Variants in RNASEH2B observed in about 807,000 individuals in gnomAD.
The protein encoded by RNASEH2B is ribonuclease H2 subunit B, also known as Aicardi-Goutieres syndrome 2 protein.
In RNASEH2B, 36 loss-of-function variants were observed where a neutral mutation model predicts 45.0. That is an observed-to-expected ratio of 0.80 (90% confidence interval 0.61 to 1.06). The LOEUF is 1.06. Among genes scored for constraint, RNASEH2B ranks in the 50% least tolerant of loss-of-function variants. The pLI, the probability that RNASEH2B is intolerant of heterozygous loss-of-function variation, is 0.00. For missense variants in RNASEH2B, 361 were observed against 360.3 expected (o/e 1.00, Z -0.02); for synonymous variants, 119 against 125.7 (o/e 0.95, Z 0.35).
chr13:50,955,422 G>A (rs1162668845), intron 10 of RNASEH2B: 1 of 152,158 alleles, frequency 6.6e-6, no homozygotes, highest in Admixed American at 6.6e-5. Flanking sequence ...CCCTTCTGTG[G>A]GAGTGCCACT....
intron 9 of RNASEH2B, among the ~76,000 whole-genome samples, chr13:50,968,103 G>C (rs1201597803): frequency 6.6e-6 from 1 of 152,164 alleles, no homozygotes. Context: ...AGTTCTCACA[G>C]CAATCACTTA....
At chr13:50,957,089 CT>C (rs879728194), downstream of RNASEH2B, among the ~76,000 whole-genome samples, 166 of 139,558 alleles carry the variant, frequency 1.2e-3, no homozygotes, top group East Asian at 3.7e-3. Flanking sequence ...ACTTTGTAAC[CT>C]TTTTTTTTTT....
At chr13:50,949,346 TG>T in intron 8 of RNASEH2B, 116 bp from the exon 9 acceptor site, 1 of 825,258 alleles carries the variant, frequency 1.2e-6, no homozygotes, top group Non-Finnish European at 2.1e-6. Flanking sequence ...GGAAGATATA[TG>T]GAGGTAAAGC....
intron 9 of RNASEH2B, chr13:50,952,801 G>A (rs1361088487): frequency 6.6e-6 from 1 of 152,192 alleles, no homozygotes; most frequent in African/African-American, 2.4e-5. Flanking sequence ...TGATTCATTT[G>A]CTAGAGGTTG....
intron 1 of RNASEH2B, among the ~76,000 whole-genome samples, chr13:50,919,903 G>T (rs1951494667): frequency 6.6e-6 from 1 of 152,198 alleles, no homozygotes; most frequent in African/African-American, 2.4e-5. Flanking sequence ...TGTTATTTTT[G>T]ATTTTACATT....
intron 9 of RNASEH2B, among the ~76,000 whole-genome samples, chr13:50,963,328 C>T (rs1593485817): frequency 6.6e-6 from 1 of 151,956 alleles, no homozygotes; most frequent in East Asian, 1.9e-4. Flanking sequence ...CCAGACCTGG[C>T]TAATTTTGTA....
At chr13:50,921,033 A>G (rs1306064192) in intron 1 of RNASEH2B, 1 of 152,064 alleles carries the variant, frequency 6.6e-6, no homozygotes. Context: ...ATTATTCCCT[A>G]CGTGTTCTCG....
At chr13:50,914,814 G>A (rs115977150) in intron 1 of RNASEH2B, among the ~76,000 whole-genome samples, 1,855 of 152,210 alleles carry the variant, frequency 0.012, 33 homozygotes, top group African/African-American at 0.043. Context: ...ATTCATAAAA[G>A]GAAAGCAAGC....
chr13:50,930,963 C>A (rs1951674419), intron 4 of RNASEH2B: 9 of 578,922 alleles, frequency 1.6e-5, no homozygotes, highest in South Asian at 1.3e-4. Flanking sequence ...ACTCTTGATC[C>A]AGTCTGACCC....
rs199744138 is a variant in RNASEH2B, at chr13:50,929,424, T to TTGTG, written c.137-40_137-37dup. On this transcript the variant is annotated intron_variant, in intron 2 of 10. Transcript: ENST00000336617. ...ATAGTCTTTTGGGGTGTGTGTGTGT[T>TTGTG]TGTGTGTGTGTGTGAAAACTTACAA... The TTGTG allele has an allele frequency of 2.9e-3, 3,078 of 1,069,000 alleles. 58 individuals carry two copies. The African/African-American group carries it at 0.04, about 14-fold the overall frequency. The allele number at this position is 1,069,000 out of a possible 1,614,324, so 66.2% of individuals were successfully genotyped here.
rs945220894 is a variant in RNASEH2B at position 50,949,464 on chromosome 13, C to T, written c.700C>T (p.Leu234Phe). ...LSDDLSKYLK[L>F]PEPSASLPNP... ...GATTGTTATTTTTAACTTTCTTAGG[C>T]TTCCAGAACCTTCAGCCTCATTGCC... The change falls in exon 9 of 11, where the codon CTT (leucine) becomes TTT (phenylalanine). Residue 234 changes from leucine (L) to phenylalanine (F), a missense_variant and splice_region_variant. By Grantham distance (22) the Leu-to-Phe change is conservative. Transcript: ENST00000336617. 1 of 1,613,276 alleles carries T rather than the reference C, an allele frequency of 6.2e-7. No individual in the cohort carries two copies.
At chr13:50,915,216 T>C (rs1167250256) in intron 1 of RNASEH2B, 4 of 391,604 alleles carry the variant, frequency 1.0e-5, no homozygotes, top group Non-Finnish European at 1.8e-5. Flanking sequence ...GCAATGTCTT[T>C]GCTTATTCTG....
intron 5 of RNASEH2B, chr13:50,936,734 G>A (rs140073748): frequency 7.7e-4 from 118 of 152,332 alleles, no homozygotes; most frequent in African/African-American, 2.8e-3. Flanking sequence ...GCTATTAGCT[G>A]TATAAGAACA....
rs758911416 is a variant in RNASEH2B at position 50,929,530 on chromosome 13, AG to A, written c.193del (p.Val65PhefsTer11). On this transcript the variant is annotated frameshift_variant, in exon 3 of 11. Coordinates refer to ENST00000336617, the MANE Select transcript of RNASEH2B (RefSeq NM_024570.4). LOFTEE classifies it high-confidence loss of function. Reference sequence around the variant, plus strand: ...GTCTACAGCAGCTGTTTGAAGTAAAAGTTTTCAAGGAAAAACACCATTCTTG... The same window carrying A: ...GTCTACAGCAGCTGTTTGAAGTAAAATTTTCAAGGAAAAACACCATTCTTG... ...MCLQQLFEVK[V>X]FKEKHHSWFI... is the part of the protein sequence containing the mutation. 3.1e-6 allele frequency: 5 copies of A among 1,613,858 alleles called. No homozygotes were observed. In the South Asian group the frequency reaches 5.5e-5, roughly 18 times the overall value.
chr13:50,966,574 CT>C (rs1952166717), intron 9 of RNASEH2B, among the ~76,000 whole-genome samples: 1 of 151,502 alleles, frequency 6.6e-6, no homozygotes, highest in Non-Finnish European at 1.5e-5. Context: ...TCTAGTTTAT[CT>C]TCAATTTAAA....
At chr13:50,923,500 G>T (rs1171757918) in intron 1 of RNASEH2B, among the ~76,000 whole-genome samples, 1 of 152,144 alleles carries the variant, frequency 6.6e-6, no homozygotes, top group Non-Finnish European at 1.5e-5. Context: ...AGAAGCTATG[G>T]TGGCTGGAAG....
rs551299330 is a variant in RNASEH2B at position 50,932,470 on chromosome 13, C to G, written c.321+1711C>G. ...CATTTTTTAAACTGCACATAAATGG[C>G]GGTGAGGATCCAAATGATGACTAGG... On this transcript the variant is annotated intron_variant, in intron 4 of 10. Coordinates refer to ENST00000336617, the MANE Select transcript of RNASEH2B (RefSeq NM_024570.4). Among the ~76,000 whole-genome samples the G allele has an allele frequency of 7.1e-4, 108 of 152,270 alleles. 1 individual carries two copies. Among genetic ancestry groups the G allele is most frequent in the Non-Finnish European group, 1.6e-4 (11 of 68,006 alleles).
chr13:50,930,683 G>T lies in RNASEH2B; in HGVS notation c.245G>T (p.Gly82Val), dbSNP rs1951668557. 6.2e-7 allele frequency: 1 copy of T among 1,608,462 alleles called. No homozygotes were observed. Among genetic ancestry groups the T allele is most frequent in the Admixed American group, 1.7e-5 (1 of 59,988 alleles). ...SWFINQSVQS[G>V]GLLHFATPVD... is the part of the protein sequence containing the mutation. ...CCTTCATCCTTTTTGTAATCTGCAG[G>T]AGGTCTTCTCCATTTTGCCACACCT... is the stretch of plus-strand genomic sequence containing the variant. Residue 82 changes from glycine to valine, a missense_variant and splice_region_variant, in exon 4 of 11, where the codon GGA becomes GTA. Gly to Val is a moderately radical substitution (Grantham distance 109). Coordinates refer to ENST00000336617, the MANE Select transcript of RNASEH2B (RefSeq NM_024570.4).
downstream of RNASEH2B, chr13:50,960,024 A>C (rs986016089): frequency 1.0e-5 from 4 of 382,560 alleles, no homozygotes; most frequent in African/African-American, 8.3e-5. Flanking sequence ...TTAGTTACTC[A>C]AGTCTTAAGA....
Sources: gnomAD v4.1 joint callset for allele counts (sites outside exome capture counted in the v4.1 genomes callset) on GRCh38, gnomAD v4.1.1 for gene constraint, MANE v1.5 for transcripts, NCBI Gene and HGNC (gene_info 2026-07-23, HGNC 2026-07-21) for gene names.